Variants in APBA1 observed in about 807,000 individuals in gnomAD.
APBA1 encodes the protein amyloid-beta A4 precursor protein-binding family A member 1.
A neutral mutation model predicts 86.6 loss-of-function variants in APBA1; 55 were observed. The observed-to-expected ratio is 0.64, with a 90% CI of 0.51 to 0.80. The LOEUF is 0.80. Ranked by LOEUF, APBA1 falls within the 30% of genes least tolerant of loss-of-function variation. The pLI is 0.00. For missense variants in APBA1, 1,090 were observed against 1,183.0 expected, an observed-to-expected ratio of 0.92 and a Z score of 1.15; for synonymous variants, 511 against 493.9, an observed-to-expected ratio of 1.03 and a Z score of -0.46.
intron 1 of APBA1, among the ~76,000 whole-genome samples, chr9:69,651,144 A>C (rs1823490329): frequency 6.6e-6 from 1 of 152,232 alleles, no homozygotes; most frequent in South Asian, 2.1e-4. Flanking sequence ...TATTTTGTAA[A>C]GTCGAAGAAT....
chr9:69,516,218 GCCGCCCGCGGGGCCCA>G lies in APBA1; in HGVS notation c.977_992del (p.Val326AlafsTer30). 3 of 1,491,944 alleles carry G rather than the reference GCCGCCCGCGGGGCCCA, an allele frequency of 2.0e-6. No individual in the cohort carries two copies. Among genetic ancestry groups the G allele is most frequent in the Non-Finnish European group, 2.7e-6 (3 of 1,117,410 alleles). The allele number at this position is 1,491,944 out of a possible 1,614,324, so 92.4% of individuals were successfully genotyped here. On this transcript the variant is annotated frameshift_variant, in exon 2 of 13. Coordinates refer to ENST00000265381, the MANE Select transcript of APBA1 (RefSeq NM_001163.4). LOFTEE classifies it high-confidence loss of function. The surrounding 1 kb of genome is among the most constrained non-coding windows in gnomAD (Gnocchi z 7.3). ...TGCTGTACCGCTGCCCCGCCTCGCC[GCCGCCCGCGGGGCCCA>G]CCGCCCGCTGCTGCCCCGCCGGCGC...
chr9:69,638,732 A>C (rs1411241473), intron 1 of APBA1, among the ~76,000 whole-genome samples: 1 of 152,194 alleles, frequency 6.6e-6, no homozygotes, highest in Non-Finnish European at 1.5e-5. Context: ...AGACAAGATA[A>C]AGTTGGTGTC....
chr9:69,637,210 C>T (rs1446652618), intron 1 of APBA1, among the ~76,000 whole-genome samples: 2 of 151,954 alleles, frequency 1.3e-5, no homozygotes, highest in African/African-American at 4.8e-5. Flanking sequence ...ATGAAAGCTG[C>T]AAGAGGCTGG....
chr9:69,648,975 C>G (rs554194820), intron 1 of APBA1, among the ~76,000 whole-genome samples: 153 of 152,314 alleles, frequency 1.0e-3, no homozygotes, highest in African/African-American at 3.5e-3. Flanking sequence ...GGAACTCCAT[C>G]CCTCCAGAAG....
At chr9:69,579,880 C>G (rs1300376853) in intron 1 of APBA1, among the ~76,000 whole-genome samples, 3 of 152,194 alleles carry the variant, frequency 2.0e-5, no homozygotes, top group Non-Finnish European at 4.4e-5. Context: ...TCAAAAGTCA[C>G]TTAGCCACAG....
chr9:69,427,821 G>A lies in APBA1; in HGVS notation c.*3506C>T, dbSNP rs922796553. 3 of 151,866 alleles carry A rather than the reference G, an allele frequency of 2.0e-5. No homozygotes were observed. The highest frequency in any genetic ancestry group is 1.3e-4 in the Admixed American group (2 of 15,240). The allele number at this position is 151,866 out of a possible 1,614,324, so 9.4% of individuals were successfully genotyped here. A position where few individuals can be genotyped will look rare whatever the true frequency, so the allele number is the denominator to read the frequency against. ...ATTGAGTTTTGTGTATACAAAGAAC[G>A]ATATTGTTACAAATACAATACTATA... is the stretch of plus-strand genomic sequence containing the variant. On this transcript the variant is annotated 3_prime_UTR_variant, in exon 13 of 13. Transcript: ENST00000265381.
intron 1 of APBA1, among the ~76,000 whole-genome samples, chr9:69,666,259 T>G (rs1823838217): frequency 6.6e-6 from 1 of 152,126 alleles, no homozygotes. Context: ...TTATCCAGCC[T>G]TTTCATTTTT....
intron 2 of APBA1, among the ~76,000 whole-genome samples, chr9:69,512,362 A>C (rs1248877041): frequency 6.6e-6 from 1 of 152,212 alleles, no homozygotes; most frequent in Non-Finnish European, 1.5e-5. Flanking sequence ...GTTTGCTCCA[A>C]GAAAAAAGCA....
intron 1 of APBA1, among the ~76,000 whole-genome samples, chr9:69,645,644 G>C (rs983582340): frequency 2.0e-5 from 3 of 152,192 alleles, no homozygotes; most frequent in East Asian, 1.9e-4. Flanking sequence ...ATGAAAGGGA[G>C]GGGGGAGCTC....
intron 1 of APBA1, among the ~76,000 whole-genome samples, chr9:69,607,612 T>TCA (rs1345800516): frequency 6.6e-6 from 1 of 152,234 alleles, no homozygotes; most frequent in Non-Finnish European, 1.5e-5. Context: ...GCTGTAGTAC[T>TCA]CATTCATAAA....
At chr9:69,588,328 C>G (rs1464009210) in intron 1 of APBA1, among the ~76,000 whole-genome samples, 1 of 150,876 alleles carries the variant, frequency 6.6e-6, no homozygotes, top group Non-Finnish European at 1.5e-5. Flanking sequence ...AAATGAAACG[C>G]AACAGACAAT....
chr9:69,602,479 G>A (rs1166804166), intron 1 of APBA1, among the ~76,000 whole-genome samples: 2 of 152,018 alleles, frequency 1.3e-5, no homozygotes. Context: ...GCTGAGGCAG[G>A]AGAATGGCAT....
chr9:69,572,042 A>C (rs1220900548), intron 1 of APBA1, among the ~76,000 whole-genome samples: 1 of 152,236 alleles, frequency 6.6e-6, no homozygotes, highest in Non-Finnish European at 1.5e-5. Flanking sequence ...CATTGAGGGC[A>C]GTCCAAGATA....
rs1834571696 is a variant in APBA1 at position 69,430,553 on chromosome 9, G to A, written c.*774C>T. 1 of 152,096 alleles carries A rather than the reference G, an allele frequency of 6.6e-6. No individual in the cohort carries two copies. Among genetic ancestry groups the A allele is most frequent in the Non-Finnish European group, 1.5e-5 (1 of 68,226 alleles). The allele number at this position is 152,096 out of a possible 1,614,324, so 9.4% of individuals were successfully genotyped here. A position where few individuals can be genotyped will look rare whatever the true frequency, so the allele number is the denominator to read the frequency against. ...TGCAAATGGGACTGTGTGTGTGTGT[G>A]TGTGTGTGAGAGAGAGAGAAGCAGA... On this transcript the variant is annotated 3_prime_UTR_variant, in exon 13 of 13. Coordinates refer to ENST00000265381, the MANE Select transcript of APBA1 (RefSeq NM_001163.4).
intron 1 of APBA1, among the ~76,000 whole-genome samples, chr9:69,637,526 T>G (rs1408852130): frequency 6.6e-6 from 1 of 152,140 alleles, no homozygotes; most frequent in Non-Finnish European, 1.5e-5. Flanking sequence ...AATTGAAAAT[T>G]AAAAATTAAA....
intron 1 of APBA1, among the ~76,000 whole-genome samples, chr9:69,526,015 A>G (rs1836336506): frequency 6.6e-6 from 1 of 152,196 alleles, no homozygotes; most frequent in Non-Finnish European, 1.5e-5. Context: ...GCCTAGTGAT[A>G]TGCAGAAGAA....
intron 1 of APBA1, among the ~76,000 whole-genome samples, chr9:69,614,674 A>G (rs1231328743): frequency 2.0e-5 from 3 of 152,210 alleles, no homozygotes; most frequent in African/African-American, 4.8e-5. Context: ...AAGACTAACA[A>G]ATATTCTTAA....
chr9:69,559,982 G>A (rs991706192), intron 1 of APBA1, among the ~76,000 whole-genome samples: 11 of 152,220 alleles, frequency 7.2e-5, no homozygotes, highest in African/African-American at 2.4e-4. Context: ...GACATGGAAA[G>A]AGCTTGATGG....
chr9:69,435,809 G>C (rs1834705649), intron 11 of APBA1, among the ~76,000 whole-genome samples: 1 of 152,166 alleles, frequency 6.6e-6, no homozygotes, highest in South Asian at 2.1e-4. Context: ...GATCCCATTT[G>C]TCAATTATGG....
Sources: allele counts gnomAD v4.1 joint callset (sites outside exome capture counted in the v4.1 genomes callset), GRCh38; gene constraint gnomAD v4.1.1; non-coding constraint Gnocchi (gnomAD v3.1); transcripts MANE v1.5; gene names NCBI Gene and HGNC (gene_info 2026-07-23, HGNC 2026-07-21).